MCMBP: variants seen among roughly 807,000 people sequenced by gnomAD.
The protein encoded by MCMBP is minichromosome maintenance complex binding protein.
A neutral mutation model predicts 81.3 loss-of-function variants in MCMBP; 31 were observed. That is an observed-to-expected ratio of 0.38 (90% CI 0.29 to 0.51). MCMBP has a LOEUF of 0.51. MCMBP is among the 20% of genes least tolerant of loss of function. MCMBP has a pLI of 0.87. For synonymous variants in MCMBP, 267 were observed against 275.9 expected, an observed-to-expected ratio of 0.97 and a Z score of 0.32; for missense variants, 645 against 772.1, an observed-to-expected ratio of 0.84 and a Z score of 1.95.
Position 119,855,763 on chromosome 10 carries a change from G to A in MCMBP, c.429+1575C>T, listed in dbSNP as rs1181069430. ...TGGATGAAGCAGAAAACAGAAAATT[G>A]AAGTGAAAAATAGACTAACATTATT... is the stretch of plus-strand genomic sequence containing the variant. On this transcript the variant is annotated intron_variant, in intron 5 of 15. Transcript: ENST00000369077. 2.0e-5 allele frequency among the ~76,000 whole-genome samples: 3 copies of A among 152,060 alleles called. 1 individual carries two copies. The highest frequency in any genetic ancestry group is 6.5e-5 in the Admixed American group (1 of 15,274).
Position 119,836,975 on chromosome 10 carries a change from T to G in MCMBP, c.1463A>C (p.Tyr488Ser). 6.2e-7 allele frequency: 1 copy of G among 1,613,814 alleles called. No individual in the cohort carries two copies. ...SNLITWQKVD[Y>S]DFSYHQMEFP... is the part of the protein sequence containing the mutation. ...TTCCATCTGATGGTAGCTGAAGTCA[T>G]AATCCACCTTCTGCCACGTTATGAG... The change falls in exon 13 of 16, where the codon TAT becomes TCT. Residue 488 changes from tyrosine (Y) to serine (S), a missense_variant. Tyr to Ser is a moderately radical substitution (Grantham distance 144). Transcript: ENST00000369077.
chr10:119,872,438 ACCGCG>A (rs1853720144), intron 1 of MCMBP, 84 bp downstream of exon 1: 4 of 764,174 alleles, frequency 5.2e-6, no homozygotes, highest in Non-Finnish European at 6.8e-6. Flanking sequence ...TCGAGATGGT[ACCGCG>A]TGGGGGCCGC....
intron 1 of MCMBP, among the ~76,000 whole-genome samples, chr10:119,869,783 C>T (rs1038588258): frequency 7.9e-5 from 12 of 152,220 alleles, no homozygotes; most frequent in Admixed American, 2.6e-4. Context: ...GGATAAGATA[C>T]AGTGACCAAA....
chr10:119,857,370 G>A lies in MCMBP; in HGVS notation c.397C>T (p.Pro133Ser). 6.2e-7 allele frequency: 1 copy of A among 1,610,538 alleles called. No homozygotes were observed. The highest frequency in any genetic ancestry group is 8.5e-7 in the Non-Finnish European group (1 of 1,177,526). Residue 133 changes from proline (P) to serine (S), a missense_variant, in exon 5 of 16, where the codon CCG becomes TCG. Pro to Ser is a moderately conservative substitution (Grantham distance 74). Coordinates refer to ENST00000369077, the MANE Select transcript of MCMBP (RefSeq NM_001256378.2). The stretch of plus-strand genomic sequence containing the variant: ...ACCCACGTAGATTCCCCAGGCACCG[G>A]AACACAATAGAAAGTCTGTCTTTCC... ...TLERQTFYCV[P>S]VPGESTWVKE...
chr10:119,860,849 T>C (rs1443282792), intron 1 of MCMBP, among the ~76,000 whole-genome samples: 1 of 152,252 alleles, frequency 6.6e-6, no homozygotes, highest in East Asian at 1.9e-4. Context: ...ATAAGTGATG[T>C]TTATCCTTCC....
chr10:119,849,996 A>G (rs1004299862), intron 6 of MCMBP, among the ~76,000 whole-genome samples: 1 of 152,220 alleles, frequency 6.6e-6, no homozygotes, highest in Non-Finnish European at 1.5e-5. Flanking sequence ...AAATTAATTT[A>G]CCAAATACTT....
intron 1 of MCMBP, 32 bp downstream of exon 1, chr10:119,872,492 GCCC>G: frequency 7.8e-6 from 9 of 1,156,700 alleles, no homozygotes; most frequent in Non-Finnish European, 9.7e-6. Flanking sequence ...AAACTCGGCT[GCCC>G]GCCCGGCCCG....
chr10:119,861,000 T>C (rs758002696), intron 1 of MCMBP, among the ~76,000 whole-genome samples: 2 of 152,236 alleles, frequency 1.3e-5, no homozygotes, highest in African/African-American at 4.8e-5. Context: ...CAGGCACTTA[T>C]GGGAACTGGC....
intron 9 of MCMBP, 78 bp from the exon 10 acceptor site, chr10:119,842,673 G>T (rs1324091501): frequency 6.7e-7 from 1 of 1,488,944 alleles, no homozygotes; most frequent in Non-Finnish European, 9.1e-7. Flanking sequence ...AAATAACTAC[G>T]TGAGCAAAGC....
chr10:119,856,040 T>G (rs1402406293), intron 5 of MCMBP, among the ~76,000 whole-genome samples: 1 of 152,140 alleles, frequency 6.6e-6, no homozygotes, highest in African/African-American at 2.4e-5. Context: ...CTGGCCAGCA[T>G]GGTGAAACCC....
In MCMBP at chr10:119,838,565, G is replaced by A. The variant is rs774798925; in HGVS notation, c.1378C>T (p.Leu460Phe). Residue 460 changes from leucine (L) to phenylalanine (F), a missense_variant, in exon 12 of 16, where the codon CTC becomes TTC. Leu to Phe is a conservative substitution (Grantham distance 22). Coordinates refer to ENST00000369077, the MANE Select transcript of MCMBP (RefSeq NM_001256378.2). ...SNTSLVIDET[L>F]LEQGQLDTPG... is the part of the protein sequence containing the mutation. ...GTATCCAGCTGCCCCTGTTCCAGGA[G>A]AGTCTCATCGATTACAAGGGAAGTA... is the stretch of plus-strand genomic sequence containing the variant. 1.9e-5 allele frequency: 30 copies of A among 1,614,018 alleles called. No homozygotes were observed. Among genetic ancestry groups the A allele is most frequent in the Non-Finnish European group, 2.4e-5 (28 of 1,180,020 alleles).
intron 5 of MCMBP, among the ~76,000 whole-genome samples, chr10:119,855,506 T>C (rs1361250975): frequency 6.6e-6 from 1 of 151,404 alleles, no homozygotes; most frequent in Non-Finnish European, 1.5e-5. Context: ...CCCGTCTCTA[T>C]CAAAAATACA....
intron 14 of MCMBP, among the ~76,000 whole-genome samples, chr10:119,833,715 A>G (rs946761169): frequency 6.6e-6 from 1 of 152,172 alleles, no homozygotes; most frequent in Admixed American, 6.5e-5. Context: ...CAAAGAAACC[A>G]GAAGGTATGG....
At chr10:119,868,318 C>T (rs775380578) in intron 1 of MCMBP, among the ~76,000 whole-genome samples, 1 of 152,076 alleles carries the variant, frequency 6.6e-6, no homozygotes, top group African/African-American at 2.4e-5. Context: ...CCCAGCTACT[C>T]GAGAGGCTGA....
chr10:119,867,528 C>T (rs1447458963), intron 1 of MCMBP, among the ~76,000 whole-genome samples: 2 of 152,072 alleles, frequency 1.3e-5, no homozygotes, highest in Non-Finnish European at 2.9e-5. Context: ...TAACTCTGTG[C>T]CATGGCCACA....
rs987048790 is a variant in MCMBP, at chr10:119,847,696, A to G, written c.744T>C (p.Asp248=). ...CAAGAATGTCATTTACTTTGAAACAATCCCAATCTTCATAAACCTAACAAG... is the reference window on the plus strand; with the variant it reads ...CAAGAATGTCATTTACTTTGAAACAGTCCCAATCTTCATAAACCTAACAAG... ...ACLVKVYEDW[D]CFKVNDILEL... Residue 248 remains aspartate (D), a synonymous_variant, in exon 8 of 16, where the codon GAT becomes GAC. Transcript: ENST00000369077. 3.1e-6 allele frequency: 5 copies of G among 1,607,990 alleles called. No individual in the cohort carries two copies. The highest frequency in any genetic ancestry group is 4.3e-6 in the Non-Finnish European group (5 of 1,176,068).
chr10:119,871,477 TAACTA>T (rs1853669688), intron 1 of MCMBP, among the ~76,000 whole-genome samples: 2 of 152,300 alleles, frequency 1.3e-5, no homozygotes, highest in South Asian at 4.1e-4. Flanking sequence ...GGAAGCCAGG[TAACTA>T]AACTAATTAG....
chr10:119,845,567 G>C (rs1852588510), intron 8 of MCMBP, among the ~76,000 whole-genome samples: 1 of 152,182 alleles, frequency 6.6e-6, no homozygotes, highest in African/African-American at 2.4e-5. Flanking sequence ...AGGAGGCTGG[G>C]TGGGAACAGA....
At chr10:119,838,848 A>T in intron 11 of MCMBP, 148 bp from the exon 12 acceptor site, 1 of 586,130 alleles carries the variant, frequency 1.7e-6, no homozygotes. Context: ...TGAACTCCAG[A>T]AGCAAAAATA....
Sources: gnomAD v4.1 joint callset for allele counts (sites outside exome capture counted in the v4.1 genomes callset) on GRCh38, gnomAD v4.1.1 for gene constraint, MANE v1.5 for transcripts, NCBI Gene and HGNC (gene_info 2026-07-23, HGNC 2026-07-21) for gene names.